The following MED27 variants were observed in gnomAD, a reference collection of about 807,000 sequenced individuals.
MED27 encodes mediator of RNA polymerase II transcription subunit 27.
A neutral mutation model predicts 38.2 loss-of-function variants in MED27; 30 were observed. The ratio of observed to expected loss-of-function variants is 0.79; its 90% CI spans 0.59 to 1.07. The LOEUF is 1.07. Among genes scored for constraint, MED27 ranks in the 50% least tolerant of loss-of-function variants. The pLI, the probability that MED27 is intolerant of heterozygous loss-of-function variation, is 0.00. For synonymous variants in MED27, 122 were observed against 153.5 expected (o/e 0.79, Z 1.52); for missense variants, 289 against 397.5 (o/e 0.73, Z 2.32).
intron 1 of MED27, among the ~76,000 whole-genome samples, chr9:132,078,997 CA>C (rs1240720882): frequency 6.6e-6 from 1 of 152,168 alleles, no homozygotes; most frequent in Non-Finnish European, 1.5e-5. Flanking sequence ...AATTAAGAAG[CA>C]GGGGCGTTAA....
intron 4 of MED27, among the ~76,000 whole-genome samples, chr9:131,931,299 A>T: frequency 6.6e-6 from 1 of 152,116 alleles, no homozygotes; most frequent in East Asian, 1.9e-4. Context: ...ACAACAGATT[A>T]TAAGATAGTA....
intron 3 of MED27, among the ~76,000 whole-genome samples, chr9:131,965,504 C>A (rs1831319080): frequency 6.6e-6 from 1 of 152,178 alleles, no homozygotes; most frequent in South Asian, 2.1e-4. Context: ...CAAATCTGTT[C>A]TTTTCAAGTT....
In MED27 at chr9:132,003,969, TAC is replaced by T. The variant is rs112590668; in HGVS notation, c.479+10366_479+10367del. ...TACATAAAGGCTTTCAGAGTGAACATACACACACACACATACACAGAAATTCT... is the reference window on the plus strand; with the variant it reads ...TACATAAAGGCTTTCAGAGTGAACATACACACACACATACACAGAAATTCT... On this transcript the variant is annotated intron_variant, in intron 3 of 7. Coordinates refer to ENST00000292035, the MANE Select transcript of MED27 (RefSeq NM_004269.4). The surrounding 1 kb of genome is among the most constrained non-coding windows in gnomAD (Gnocchi z 4.2). Among the ~76,000 whole-genome samples the T allele has an allele frequency of 6.6e-6, 1 of 151,732 alleles. No individual in the cohort carries two copies. Among genetic ancestry groups the T allele is most frequent in the Non-Finnish European group, 1.5e-5 (1 of 67,922 alleles).
chr9:131,992,625 C>T (rs1453235035), intron 3 of MED27, among the ~76,000 whole-genome samples: 1 of 152,166 alleles, frequency 6.6e-6, no homozygotes, highest in African/African-American at 2.4e-5. Context: ...TACTTTTGAA[C>T]TCCTGGCCTC....
At chr9:132,053,897 G>A (rs1833517402) in intron 2 of MED27, among the ~76,000 whole-genome samples, 1 of 150,596 alleles carries the variant, frequency 6.6e-6, no homozygotes, top group South Asian at 2.1e-4. Context: ...ACATGTATTG[G>A]GAAAAAATAT....
chr9:132,036,778 A>T (rs1833088796), intron 2 of MED27, among the ~76,000 whole-genome samples: 1 of 152,228 alleles, frequency 6.6e-6, no homozygotes, highest in Non-Finnish European at 1.5e-5. Flanking sequence ...TAAAGCTTGG[A>T]ACCTCAAAGA....
chr9:132,009,667 A>G (rs1023533804), intron 3 of MED27, among the ~76,000 whole-genome samples: 1 of 152,228 alleles, frequency 6.6e-6, no homozygotes, highest in Non-Finnish European at 1.5e-5. Context: ...CAGCCTTACA[A>G]GAGGCTCTGA....
At chr9:131,887,130 A>G (rs1839154143) in intron 5 of MED27, among the ~76,000 whole-genome samples, 2 of 152,332 alleles carry the variant, frequency 1.3e-5, no homozygotes, top group African/African-American at 2.4e-5. Flanking sequence ...TGCTACATTA[A>G]AAAGTTATAG....
intron 3 of MED27, among the ~76,000 whole-genome samples, chr9:131,998,095 G>C (rs1391476326): frequency 1.3e-5 from 2 of 152,066 alleles, no homozygotes; most frequent in Non-Finnish European, 2.9e-5. Context: ...TAGTACACGA[G>C]TGCTGAAACC....
intron 3 of MED27, among the ~76,000 whole-genome samples, chr9:131,970,242 C>T (rs1436382105): frequency 6.6e-6 from 1 of 152,234 alleles, no homozygotes; most frequent in Non-Finnish European, 1.5e-5. Flanking sequence ...TCTGTGGACA[C>T]GTGGCTGGGA....
rs967291892 is a variant in MED27 at position 131,872,691 on chromosome 9, C to G, written c.724-9551G>C. 6.6e-6 allele frequency among the ~76,000 whole-genome samples: 1 copy of G among 151,222 alleles called. No homozygotes were observed. Among genetic ancestry groups the G allele is most frequent in the Non-Finnish European group, 1.5e-5 (1 of 68,026 alleles). ...GTGGGGCTGGGTGATTCTGCAGGCC[C>G]CTCTAGGTCTAGGTTTTCAGCAGAT... On this transcript the variant is annotated intron_variant, in intron 6 of 7. Coordinates refer to ENST00000292035, the MANE Select transcript of MED27 (RefSeq NM_004269.4). This position sits in a 1 kb window ranked among gnomAD's most constrained non-coding sequence, Gnocchi z 5.6.
At chr9:132,047,955 T>C (rs1406226208) in intron 2 of MED27, among the ~76,000 whole-genome samples, 2 of 152,112 alleles carry the variant, frequency 1.3e-5, no homozygotes, top group African/African-American at 4.8e-5. Flanking sequence ...TAGTGTTCCA[T>C]TATTGGAACA....
At chr9:131,870,600 T>C (rs572984138) in intron 6 of MED27, among the ~76,000 whole-genome samples, 2 of 152,232 alleles carry the variant, frequency 1.3e-5, no homozygotes, top group South Asian at 4.1e-4. Flanking sequence ...GTGCCCAGAC[T>C]CTATGCCCCA....
intron 2 of MED27, among the ~76,000 whole-genome samples, chr9:132,041,311 C>G (rs746804779): frequency 6.6e-6 from 1 of 152,152 alleles, no homozygotes; most frequent in Non-Finnish European, 1.5e-5. Flanking sequence ...ACTGAGCACG[C>G]ACACACGACT....
rs1839201712 is a variant in MED27 at position 131,889,944 on chromosome 9, A to G, written c.681+3941T>C. 1.3e-5 allele frequency among the ~76,000 whole-genome samples: 2 copies of G among 152,140 alleles called. No homozygotes were observed. The highest frequency in any genetic ancestry group is 4.8e-5 in the African/African-American group (2 of 41,418). ...CAGCAAACGCAGGCTGCGTCCCGGG[A>G]GCAGCGACGTCTCCAGCAACAACGT... On this transcript the variant is annotated intron_variant, in intron 5 of 7. Coordinates refer to ENST00000292035, the MANE Select transcript of MED27 (RefSeq NM_004269.4). The surrounding 1 kb of genome is among the most constrained non-coding windows in gnomAD (Gnocchi z 4.2).
At chr9:131,919,597 G>A (rs1378644213) in intron 4 of MED27, among the ~76,000 whole-genome samples, 1 of 152,006 alleles carries the variant, frequency 6.6e-6, no homozygotes, top group African/African-American at 2.4e-5. Context: ...GGGGGATAAT[G>A]CCACCCACCT....
Position 131,991,407 on chromosome 9 carries a change from A to C in MED27, c.479+22930T>G, listed in dbSNP as rs184615407. The stretch of plus-strand genomic sequence containing the variant: ...CTCTATTTTTCATCCCACTATTAGA[A>C]GCAAGAAAAATACCTTTAGCAATTA... On this transcript the variant is annotated intron_variant, in intron 3 of 7. Transcript: ENST00000292035. Among the ~76,000 whole-genome samples the C allele has an allele frequency of 1.2e-3, 177 of 152,328 alleles. 1 individual carries two copies. The highest frequency in any genetic ancestry group is 4.1e-3 in the African/African-American group (170 of 41,572).
chr9:131,956,452 C>T (rs1831102310), intron 3 of MED27, among the ~76,000 whole-genome samples: 1 of 152,054 alleles, frequency 6.6e-6, no homozygotes, highest in African/African-American at 2.4e-5. Flanking sequence ...CCCATCTCTA[C>T]TAAAAATACA....
At chr9:132,068,325 T>C (rs898321367) in intron 2 of MED27, among the ~76,000 whole-genome samples, 5 of 152,112 alleles carry the variant, frequency 3.3e-5, no homozygotes, top group African/African-American at 1.2e-4. Context: ...CCGTGTACTA[T>C]TACTAGAAAG....
Sources: gnomAD v4.1 joint callset for allele counts (sites outside exome capture counted in the v4.1 genomes callset) on GRCh38, gnomAD v4.1.1 for gene constraint, Gnocchi (gnomAD v3.1) non-coding constraint, MANE v1.5 for transcripts, NCBI Gene and HGNC (gene_info 2026-07-23, HGNC 2026-07-21) for gene names.